The following KYNU variants were observed in gnomAD, a reference collection of about 807,000 sequenced individuals.
The protein encoded by KYNU is kynureninase.
Under a neutral mutation model 59.2 loss-of-function variants are expected in KYNU, and 54 were observed. That is an observed-to-expected ratio of 0.91 (90% CI 0.73 to 1.14). KYNU has a LOEUF of 1.14. Among genes scored for constraint, KYNU ranks in the 50% most tolerant of loss-of-function variants. The probability of loss-of-function intolerance (pLI) is 0.00; values close to 1 mark genes in which losing one functional copy is unlikely to be tolerated. For missense variants in KYNU, 567 were observed against 554.4 expected, an observed-to-expected ratio of 1.02 and a Z score of -0.23; for synonymous variants, 177 against 192.0, an observed-to-expected ratio of 0.92 and a Z score of 0.65.
In KYNU at chr2:143,055,747, A is replaced by C. The variant is rs1392645454; in HGVS notation, c.*13575A>C. The C allele has an allele frequency of 6.6e-6, 1 of 152,126 alleles. No individual in the cohort carries two copies. Among genetic ancestry groups the C allele is most frequent in the East Asian group, 1.9e-4 (1 of 5,192 alleles). The allele number at this position is 152,126 out of a possible 1,614,324, so 9.4% of individuals were successfully genotyped here. A position where few individuals can be genotyped will look rare whatever the true frequency, so the allele number is the denominator to read the frequency against. ...AAAAAAATAGTATGAAAAAATCTTG[A>C]TAAATTTGAAAACTGGGTGAATAAT... On this transcript the variant is annotated 3_prime_UTR_variant, in exon 14 of 14. Coordinates refer to ENST00000264170, the MANE Select transcript of KYNU (RefSeq NM_003937.3).
At chr2:142,954,386 G>A (rs540791174) in intron 4 of KYNU, among the ~76,000 whole-genome samples, 1 of 151,852 alleles carries the variant, frequency 6.6e-6, no homozygotes, top group Non-Finnish European at 1.5e-5. Context: ...TTTTATAAAA[G>A]GTGTATTTTA....
At chr2:142,976,333 G>C (rs764718716) in intron 8 of KYNU, among the ~76,000 whole-genome samples, 1 of 152,122 alleles carries the variant, frequency 6.6e-6, no homozygotes, top group East Asian at 1.9e-4. Flanking sequence ...ACTTATCAAG[G>C]CTCCACATTT....
At chr2:142,958,670 T>C (rs1684244568) in intron 7 of KYNU, among the ~76,000 whole-genome samples, 1 of 152,220 alleles carries the variant, frequency 6.6e-6, no homozygotes, top group African/African-American at 2.4e-5. Flanking sequence ...ACATAGCTGC[T>C]AATAATCACA....
chr2:142,936,980 G>A (rs1182450743), intron 4 of KYNU, among the ~76,000 whole-genome samples: 40 of 152,302 alleles, frequency 2.6e-4, no homozygotes. Context: ...TGAGCGCCTG[G>A]GTGCAGGTGG....
intron 10 of KYNU, among the ~76,000 whole-genome samples, chr2:142,995,791 C>T (rs763921992): frequency 9.9e-5 from 15 of 152,040 alleles, no homozygotes; most frequent in Non-Finnish European, 1.6e-4. Flanking sequence ...TTTTTCCTAC[C>T]GCTATGCTGA....
At chr2:142,988,991 C>CT in intron 10 of KYNU, 14 of 995,204 alleles carry the variant, frequency 1.4e-5, no homozygotes, top group Non-Finnish European at 2.2e-5. Context: ...GTGTGTTTTA[C>CT]TTTTTTATTC....
At chr2:142,932,436 G>C (rs888207805) in intron 4 of KYNU, among the ~76,000 whole-genome samples, 1 of 152,054 alleles carries the variant, frequency 6.6e-6, no homozygotes, top group Non-Finnish European at 1.5e-5. Context: ...ATCTGTTAGC[G>C]CATTTCCAGC....
At chr2:142,997,242 A>C (rs577897848) in intron 10 of KYNU, among the ~76,000 whole-genome samples, 1 of 152,322 alleles carries the variant, frequency 6.6e-6, no homozygotes, top group South Asian at 2.1e-4. Flanking sequence ...TTCTCTAAAC[A>C]AAACAAGATT....
chr2:143,017,434 CTTTTTTTTTT>C (rs1184177776), intron 10 of KYNU, among the ~76,000 whole-genome samples: 2 of 68,448 alleles, frequency 2.9e-5, no homozygotes, highest in African/African-American at 6.0e-5. Flanking sequence ...TCTCTTTTTT[CTTTTTTTTTT>C]TTTTTTTTTT....
At position 143,007,737 on chromosome 2, in the gene KYNU, A is replaced by G. The variant is rs1685960408; in HGVS notation, c.902+21716A>G. 3.2e-5 allele frequency among the ~76,000 whole-genome samples: 4 copies of G among 123,158 alleles called. No individual in the cohort carries two copies. The South Asian group carries it at 1.1e-3, about 34-fold the overall frequency. The allele number at this position is 123,158 out of a possible 152,430, so 80.8% of individuals were successfully genotyped here. On this transcript the variant is annotated intron_variant, in intron 10 of 13. Transcript: ENST00000264170. ...GCAGAAACCCTACAAGCCAGAAGAG[A>G]GTGGGGGCCAATATTCAACATTCTT... is the stretch of plus-strand genomic sequence containing the variant.
At chr2:143,024,495 A>G (rs891461588) in intron 10 of KYNU, among the ~76,000 whole-genome samples, 6 of 152,008 alleles carry the variant, frequency 3.9e-5, no homozygotes, top group South Asian at 2.1e-4. Context: ...AACTTATACA[A>G]TTTGACTTGG....
rs1687229553 is a variant in KYNU, at chr2:143,049,536, C to G, written c.*7364C>G. The G allele has an allele frequency of 6.6e-6, 1 of 152,224 alleles. No homozygotes were observed. The highest frequency in any genetic ancestry group is 1.9e-4 in the East Asian group (1 of 5,194). 9.4% of individuals were successfully genotyped at this position (152,224 alleles called of 1,614,324 possible). On this transcript the variant is annotated 3_prime_UTR_variant, in exon 14 of 14. Coordinates refer to ENST00000264170, the MANE Select transcript of KYNU (RefSeq NM_003937.3). ...GTTTATGCTTCAGAAGCCACCCCTTCTCTGTGGATTAGACCATGACTAGAA... is the reference window on the plus strand; with the variant it reads ...GTTTATGCTTCAGAAGCCACCCCTTGTCTGTGGATTAGACCATGACTAGAA...
chr2:143,025,532 T>A (rs539703966), intron 10 of KYNU, among the ~76,000 whole-genome samples: 1 of 152,316 alleles, frequency 6.6e-6, no homozygotes, highest in East Asian at 1.9e-4. Context: ...ACCACTGCTC[T>A]GAAAATGGCC....
chr2:142,987,934 G>C (rs1001207011), intron 10 of KYNU, among the ~76,000 whole-genome samples: 4 of 151,676 alleles, frequency 2.6e-5, no homozygotes, highest in Non-Finnish European at 4.4e-5. Context: ...TCCTGCTCTG[G>C]CCATGAAAGA....
At chr2:143,028,779 C>A (rs897119328) in intron 10 of KYNU, among the ~76,000 whole-genome samples, 2 of 151,956 alleles carry the variant, frequency 1.3e-5, no homozygotes, top group Non-Finnish European at 2.9e-5. Flanking sequence ...ACCCGGAAGG[C>A]GGAGGTTGTG....
chr2:143,026,237 AAT>A, intron 10 of KYNU, among the ~76,000 whole-genome samples: 1 of 152,296 alleles, frequency 6.6e-6, no homozygotes, highest in African/African-American at 2.4e-5. Flanking sequence ...TATTCTTTTA[AAT>A]AGGATTTTTA....
At chr2:142,940,808 C>T (rs747891528) in intron 4 of KYNU, among the ~76,000 whole-genome samples, 3 of 152,202 alleles carry the variant, frequency 2.0e-5, no homozygotes, top group African/African-American at 4.8e-5. Context: ...TTACTTTAGA[C>T]GCACCAGCTG....
rs1350252306 is a variant in KYNU, at chr2:143,055,670, G to GGAAT, written c.*13501_*13502insTGAA. On this transcript the variant is annotated 3_prime_UTR_variant, in exon 14 of 14. Transcript: ENST00000264170. The stretch of plus-strand genomic sequence containing the variant: ...AGGAAGGAAGGAAGGAAGGAAGGAA[G>GGAAT]GAAGGAAGGAAGGAAAGGGAGGAGA... The GGAAT allele has an allele frequency of 6.6e-6, 1 of 151,938 alleles. No homozygotes were observed. Among genetic ancestry groups the GGAAT allele is most frequent in the African/African-American group, 2.4e-5 (1 of 41,212 alleles). 9.4% of individuals were successfully genotyped at this position (151,938 alleles called of 1,614,324 possible).
At chr2:142,979,330 TG>T (rs1374108881) in intron 8 of KYNU, among the ~76,000 whole-genome samples, 4 of 152,206 alleles carry the variant, frequency 2.6e-5, no homozygotes, top group African/African-American at 9.6e-5. Flanking sequence ...GAATAGCTAT[TG>T]ACTTTTGTAA....
Sources: allele counts gnomAD v4.1 joint callset (sites outside exome capture counted in the v4.1 genomes callset), GRCh38; gene constraint gnomAD v4.1.1; transcripts MANE v1.5; gene names NCBI Gene and HGNC (gene_info 2026-07-23, HGNC 2026-07-21).